ZMAT1: variants seen among roughly 807,000 people sequenced by gnomAD.
ZMAT1 encodes the protein zinc finger matrin-type 1.
Under a neutral mutation model 18.5 loss-of-function variants are expected in ZMAT1, and 11 were observed. The observed-to-expected ratio is 0.59, with a 90% CI of 0.37 to 0.98. The LOEUF (loss-of-function observed/expected upper bound fraction) is 0.98, where lower values mean the gene tolerates loss of function less well. Among genes scored for constraint, ZMAT1 ranks in the 50% least tolerant of loss-of-function variants. The probability of loss-of-function intolerance (pLI) is 0.01; values close to 1 mark genes in which losing one functional copy is unlikely to be tolerated. For missense variants in ZMAT1, 525 were observed against 496.2 expected, an observed-to-expected ratio of 1.06 and a Z score of -0.55; for synonymous variants, 211 against 176.4, an observed-to-expected ratio of 1.20 and a Z score of -1.55.
rs1926682037 is a variant in ZMAT1, at chrX:101,883,813, A to G, written c.1785T>C (p.His595=). ...CTTCTAGGTGTCGTTTTCTCTTCTG[A>G]TGTTTCCGTTTATGACCTGCTTGAT... ...ADHQAGHKRK[H]QKRKRHLEEG... is the part of the protein sequence containing the mutation. The change falls in exon 6 of 6, where the codon CAT becomes CAC. Residue 595 remains histidine, a synonymous_variant. Coordinates refer to ENST00000651725, the MANE Select transcript of ZMAT1 (RefSeq NM_001394560.1). 1.7e-6 allele frequency: 2 copies of G among 1,207,129 alleles called. No individual in the cohort carries two copies. The highest frequency in any genetic ancestry group is 5.9e-5 in the East Asian group (2 of 33,671).
intron 4 of ZMAT1, chrX:101,888,171 C>A (rs1283286825): frequency 2.7e-5 from 3 of 111,616 alleles, no homozygotes; most frequent in Non-Finnish European, 5.7e-5. Context: ...AAAGTAATAT[C>A]TTTCCAGTTA....
chrX:101,887,215 C>T (rs1927028981), intron 4 of ZMAT1: 3 of 748,388 alleles, frequency 4.0e-6, no homozygotes, highest in Non-Finnish European at 4.7e-6. Flanking sequence ...CACTGCAGTG[C>T]CTTAGTTACC....
At chrX:101,897,802 G>A (rs1272604204) in intron 4 of ZMAT1, 66 bp downstream of exon 4, 1 of 1,014,572 alleles carries the variant, frequency 9.9e-7, no homozygotes, top group Non-Finnish European at 1.3e-6. Flanking sequence ...AAAGGATATG[G>A]CAGAGTTAGA....
chrX:101,909,733 G>C (rs1455958775), intron 1 of ZMAT1, among the ~76,000 whole-genome samples: 1 of 112,609 alleles, frequency 8.9e-6, no homozygotes, highest in Non-Finnish European at 1.9e-5. Context: ...CTTGTGGTTT[G>C]AGTACCAGCT....
chrX:101,883,867 G>A lies in ZMAT1; in HGVS notation c.1731C>T (p.His577=). 1 of 1,209,908 alleles carries A rather than the reference G, an allele frequency of 8.3e-7. No individual in the cohort carries two copies. Among genetic ancestry groups the A allele is most frequent in the Non-Finnish European group, 1.1e-6 (1 of 894,844 alleles). The change falls in exon 6 of 6, where the codon CAC becomes CAT. Residue 577 remains histidine (H), a synonymous_variant. Coordinates refer to ENST00000651725, the MANE Select transcript of ZMAT1 (RefSeq NM_001394560.1). The part of the protein sequence containing the change: ...SYSVESEVYK[H]LSSENNTADH... ...CAGCAGTATTGTTTTCTGAAGAGAG[G>A]TGCTTGTAAACTTCAGATTCTACAC... is the stretch of plus-strand genomic sequence containing the variant.
intron 1 of ZMAT1, among the ~76,000 whole-genome samples, chrX:101,910,416 C>A (rs754736143): frequency 3.6e-5 from 4 of 112,241 alleles, no homozygotes; most frequent in Non-Finnish European, 5.6e-5. Flanking sequence ...ATGACCTCAC[C>A]AAATAAACTT....
Position 101,904,154 on chromosome X carries a change from A to G in ZMAT1, c.399+70T>C, listed in dbSNP as rs1475706881. The G allele has an allele frequency of 1.1e-5, 8 of 711,825 alleles. No homozygotes were observed. The Admixed American group carries it at 2.8e-4, about 25-fold the overall frequency. The allele number at this position is 711,825 out of a possible 1,213,427, so 58.7% of individuals were successfully genotyped here. A position where few individuals can be genotyped will look rare whatever the true frequency, so the allele number is the denominator to read the frequency against. On this transcript the variant is annotated intron_variant, in intron 2 of 5. Transcript: ENST00000651725. Reference sequence around the variant, plus strand: ...ATTCTCATAAGAATCAAGTAAGATGACTTACAGGAAGTTTACTTGCTACAT... The same window carrying G: ...ATTCTCATAAGAATCAAGTAAGATGGCTTACAGGAAGTTTACTTGCTACAT...
intron 1 of ZMAT1, chrX:101,918,769 T>G (rs947334707): frequency 5.4e-5 from 6 of 111,829 alleles, no homozygotes; most frequent in African/African-American, 2.0e-4. Flanking sequence ...TTCCTAAAAT[T>G]TAACACTTAT....
At chrX:101,913,566 G>A (rs1929102461) in intron 1 of ZMAT1, among the ~76,000 whole-genome samples, 1 of 111,777 alleles carries the variant, frequency 8.9e-6, no homozygotes, top group Admixed American at 9.5e-5. Context: ...TTGATTTCAA[G>A]ACCAAAACTG....
At position 101,891,849 on chromosome X, in the gene ZMAT1, C is replaced by T. The variant is rs1436158148; in HGVS notation, c.677-5118G>A. ...GGCTGAGGGAATAAGCACCAAAGAA[C>T]GGCAGTGAGTTGAGTAAATAATAAG... On this transcript the variant is annotated intron_variant, in intron 4 of 5. Coordinates refer to ENST00000651725, the MANE Select transcript of ZMAT1 (RefSeq NM_001394560.1). 4.5e-5 allele frequency among the ~76,000 whole-genome samples: 5 copies of T among 111,007 alleles called. No individual in the cohort carries two copies. In the South Asian group the frequency reaches 1.1e-3, roughly 25 times the overall value.
At chrX:101,894,629 G>A in intron 4 of ZMAT1, 1 of 567,979 alleles carries the variant, frequency 1.8e-6, no homozygotes, top group Non-Finnish European at 2.1e-6. Flanking sequence ...TAAGGTCAAG[G>A]ATGAAACCAT....
chrX:101,913,530 A>G (rs1929100792), intron 1 of ZMAT1, among the ~76,000 whole-genome samples: 1 of 111,869 alleles, frequency 8.9e-6, no homozygotes, highest in African/African-American at 3.2e-5. Flanking sequence ...ACAGAACAGG[A>G]GTCACTATAC....
At chrX:101,896,569 G>T (rs1189539772) in intron 4 of ZMAT1, among the ~76,000 whole-genome samples, 1 of 112,047 alleles carries the variant, frequency 8.9e-6, no homozygotes, top group Non-Finnish European at 1.9e-5. Context: ...ATATCTTGTG[G>T]CATTGACTTT....
intron 1 of ZMAT1, among the ~76,000 whole-genome samples, chrX:101,914,083 C>T (rs930896441): frequency 1.8e-5 from 2 of 111,119 alleles, no homozygotes; most frequent in African/African-American, 6.5e-5. Context: ...CAATATGCTC[C>T]TCAATAACCA....
At chrX:101,910,566 T>G (rs1928895951) in intron 1 of ZMAT1, among the ~76,000 whole-genome samples, 1 of 111,965 alleles carries the variant, frequency 8.9e-6, no homozygotes, top group African/African-American at 3.2e-5. Flanking sequence ...TCAGATAAAT[T>G]TAACAAAGAG....
chrX:101,884,177 A>G lies in ZMAT1; in HGVS notation c.1421T>C (p.Ile474Thr). 1 of 1,210,931 alleles carries G rather than the reference A, an allele frequency of 8.3e-7. No individual in the cohort carries two copies. ...GLEPKTCFRK[I>T]GDSSVETHRN... Reference sequence around the variant, plus strand: ...GTGTGTTTCTACAGAGCTATCTCCTATCTTTCTGAAACAAGTTTTTGGCTC... The same window carrying G: ...GTGTGTTTCTACAGAGCTATCTCCTGTCTTTCTGAAACAAGTTTTTGGCTC... Residue 474 changes from isoleucine (I) to threonine (T), a missense_variant, in exon 6 of 6, where the codon ATA becomes ACA. Ile to Thr is a moderately conservative substitution (Grantham distance 89). Transcript: ENST00000651725.
chrX:101,886,043 C>A (rs533594651), intron 5 of ZMAT1, among the ~76,000 whole-genome samples: 2 of 111,766 alleles, frequency 1.8e-5, no homozygotes, highest in Admixed American at 1.9e-4. Flanking sequence ...ACTAACCAAT[C>A]TCCAACTGTC....
At chrX:101,920,350 C>G (rs368360737) in intron 1 of ZMAT1, among the ~76,000 whole-genome samples, 1 of 111,883 alleles carries the variant, frequency 8.9e-6, no homozygotes, top group Non-Finnish European at 1.9e-5. Context: ...CAGCCTAGAT[C>G]TATTACATTT....
chrX:101,920,128 C>A (rs1426953718), intron 1 of ZMAT1, among the ~76,000 whole-genome samples: 2 of 109,315 alleles, frequency 1.8e-5, no homozygotes, highest in Non-Finnish European at 3.8e-5. Flanking sequence ...CAGCCTCCCC[C>A]TCCTGGGCTA....
Sources: allele counts gnomAD v4.1 joint callset (sites outside exome capture counted in the v4.1 genomes callset), GRCh38; gene constraint gnomAD v4.1.1; transcripts MANE v1.5; gene names NCBI Gene and HGNC (gene_info 2026-07-23, HGNC 2026-07-21).